Variants in SORBS2 observed in about 807,000 individuals in gnomAD.
SORBS2 encodes sorbin and SH3 domain-containing protein 2.
SORBS2 carries 46 observed loss-of-function variants against 97.7 expected under a neutral mutation model. The observed-to-expected ratio is 0.47, with a 90% CI of 0.37 to 0.60. The LOEUF is 0.60. Among genes scored for constraint, SORBS2 ranks in the 20% least tolerant of loss-of-function variants. The pLI, the probability that SORBS2 is intolerant of heterozygous loss-of-function variation, is 0.00. For missense variants in SORBS2, 1,316 were observed against 1,282.3 expected, an observed-to-expected ratio of 1.03 and a Z score of -0.40; for synonymous variants, 476 against 473.4, an observed-to-expected ratio of 1.01 and a Z score of -0.07.
At chr4:185,626,736 C>T in intron 6 of SORBS2, 96 bp downstream of exon 18, 1 of 1,127,034 alleles carries the variant, frequency 8.9e-7, no homozygotes, top group Non-Finnish European at 1.3e-6. Context: ...TAGGTGAGAG[C>T]TGGCACATGC....
chr4:185,793,201 T>C (rs2099089296), intron 1 of SORBS2, among the ~76,000 whole-genome samples: 1 of 152,210 alleles, frequency 6.6e-6, no homozygotes. Flanking sequence ...AGCAGGTAAA[T>C]CCAAATTCTG....
intron 1 of SORBS2, among the ~76,000 whole-genome samples, chr4:185,834,007 A>G (rs1008280297): frequency 2.6e-5 from 4 of 152,260 alleles, no homozygotes; most frequent in African/African-American, 4.8e-5. Context: ...ATAAATTATG[A>G]CATTGGAAAT....
chr4:185,942,424 C>G (rs1308633535), intron 1 of SORBS2, among the ~76,000 whole-genome samples: 1 of 151,400 alleles, frequency 6.6e-6, no homozygotes, highest in African/African-American at 2.4e-5. Flanking sequence ...GATCTTGGCT[C>G]ACTGCAACCT....
intron 1 of SORBS2, among the ~76,000 whole-genome samples, chr4:185,873,660 T>G (rs1234965408): frequency 6.6e-6 from 1 of 152,194 alleles, no homozygotes; most frequent in Non-Finnish European, 1.5e-5. Flanking sequence ...ATGAATACTT[T>G]AGAGAAAGAC....
intron 2 of SORBS2, among the ~76,000 whole-genome samples, chr4:185,745,372 C>T (rs1306497580): frequency 2.6e-5 from 4 of 152,048 alleles, no homozygotes; most frequent in African/African-American, 7.2e-5. Flanking sequence ...CAATTTTTGG[C>T]GTTCATATTT....
chr4:185,913,265 T>A (rs1487654919), intron 1 of SORBS2, among the ~76,000 whole-genome samples: 5 of 152,214 alleles, frequency 3.3e-5, no homozygotes, highest in African/African-American at 1.2e-4. Flanking sequence ...GATTAGCCTA[T>A]CTTTTTATGG....
intron 1 of SORBS2, among the ~76,000 whole-genome samples, chr4:185,838,684 C>T (rs577598835): frequency 3.6e-4 from 55 of 152,302 alleles, no homozygotes; most frequent in African/African-American, 1.3e-3. Flanking sequence ...ACTCTTGCAT[C>T]CTGGGATGGC....
At chr4:185,806,673 T>G (rs35281159) in intron 1 of SORBS2, among the ~76,000 whole-genome samples, 75,268 of 150,422 alleles carry the variant, frequency 0.5, 19,034 homozygotes, top group East Asian at 0.64. Context: ...TTAGCCGGGA[T>G]GGTCTCGATC....
At chr4:185,914,324 C>T (rs2099256912) in intron 1 of SORBS2, among the ~76,000 whole-genome samples, 1 of 152,224 alleles carries the variant, frequency 6.6e-6, no homozygotes, top group Non-Finnish European at 1.5e-5. Flanking sequence ...TGACTCTTGC[C>T]TCAGTAAATC....
chr4:185,683,193 C>T (rs2153506818), intron 2 of SORBS2, among the ~76,000 whole-genome samples: 1 of 151,866 alleles, frequency 6.6e-6, no homozygotes, highest in South Asian at 2.1e-4. Flanking sequence ...ATTGTTATTA[C>T]TGAAGATTAT....
At chr4:185,603,563 C>T (rs2096326372) in intron 12 of SORBS2, among the ~76,000 whole-genome samples, 1 of 152,092 alleles carries the variant, frequency 6.6e-6, no homozygotes, top group Non-Finnish European at 1.5e-5. Flanking sequence ...GTATTAGAGC[C>T]CTAAATTTTT....
chr4:185,854,844 G>T (rs951035844), intron 1 of SORBS2, among the ~76,000 whole-genome samples: 4 of 151,962 alleles, frequency 2.6e-5, no homozygotes, highest in African/African-American at 9.7e-5. Flanking sequence ...GAGAGAGAAC[G>T]TGCTAGTCCC....
intron 2 of SORBS2, among the ~76,000 whole-genome samples, chr4:185,718,587 A>G (rs911657010): frequency 6.6e-5 from 10 of 152,252 alleles, no homozygotes; most frequent in South Asian, 2.1e-4. Context: ...GTTGGCGTAC[A>G]GGTTACCTAG....
intron 1 of SORBS2, among the ~76,000 whole-genome samples, chr4:185,876,488 A>G (rs911524407): frequency 2.6e-5 from 4 of 152,238 alleles, no homozygotes; most frequent in African/African-American, 9.6e-5. Context: ...GTATACTTCC[A>G]CCAAGACTGG....
exon 7 of SORBS2, chr4:185,622,958 G>A (rs781232761): frequency 6.2e-7 from 1 of 1,613,670 alleles, no homozygotes; most frequent in Non-Finnish European, 8.5e-7. Context: ...GCTGCTGTTG[G>A]CTGTGTCCAC....
At chr4:185,622,648 A>G (rs566545359) in intron 7 of SORBS2, among the ~76,000 whole-genome samples, 3 of 152,352 alleles carry the variant, frequency 2.0e-5, no homozygotes, top group Middle Eastern at 3.4e-3. Context: ...ATGCTGAGCT[A>G]CAAAATGGCC....
chr4:185,664,089 C>T (rs973259069), intron 4 of SORBS2, among the ~76,000 whole-genome samples: 5 of 151,708 alleles, frequency 3.3e-5, no homozygotes, highest in East Asian at 1.9e-4. Context: ...CTCCTGACCT[C>T]GTGATCCACC....
intron 9 of SORBS2, among the ~76,000 whole-genome samples, chr4:185,617,254 A>G (rs1483046091): frequency 6.6e-6 from 1 of 152,244 alleles, no homozygotes; most frequent in East Asian, 1.9e-4. Context: ...CCATATCCAC[A>G]GAACAGTAGT....
At chr4:185,811,732 C>T (rs35656124) in intron 1 of SORBS2, 5,726 of 152,310 alleles carry the variant, frequency 0.038, 135 homozygotes, top group South Asian at 0.056. Context: ...AGACATATGC[C>T]CTGGGAGCCC....
Sources: gnomAD v4.1 joint callset for allele counts (sites outside exome capture counted in the v4.1 genomes callset) on GRCh38, gnomAD v4.1.1 for gene constraint, MANE v1.5 for transcripts, NCBI Gene and HGNC (gene_info 2026-07-23, HGNC 2026-07-21) for gene names.